RHOBTB1: variants seen among roughly 807,000 people sequenced by gnomAD.
RHOBTB1 encodes the protein Rho related BTB domain containing 1.
RHOBTB1 carries 40 observed loss-of-function variants against 71.6 expected under a neutral mutation model. The observed-to-expected ratio is 0.56, with a 90% CI of 0.43 to 0.73. The LOEUF (loss-of-function observed/expected upper bound fraction) is 0.73, where lower values mean the gene tolerates loss of function less well. RHOBTB1 is among the 30% of genes least tolerant of loss of function. The probability of loss-of-function intolerance (pLI) is 0.00; values close to 1 mark genes in which losing one functional copy is unlikely to be tolerated. For synonymous variants in RHOBTB1, 319 were observed against 334.9 expected (o/e 0.95, Z 0.52); for missense variants, 797 against 894.0 (o/e 0.89, Z 1.38).
intron 1 of RHOBTB1, among the ~76,000 whole-genome samples, chr10:60,987,314 A>T (rs977581631): frequency 6.6e-6 from 1 of 152,062 alleles, no homozygotes; most frequent in Non-Finnish European, 1.5e-5. Context: ...AATTTTATTC[A>T]TATCTAGAGC....
At chr10:60,872,649 C>T (rs547239252) in intron 9 of RHOBTB1, among the ~76,000 whole-genome samples, 35 of 150,728 alleles carry the variant, frequency 2.3e-4, no homozygotes, top group Admixed American at 1.5e-3. Context: ...GATGTCATCT[C>T]TGTTTAAGGA....
chr10:60,888,180 G>T, intron 6 of RHOBTB1, 32 bp downstream of exon 6: 12 of 1,588,242 alleles, frequency 7.6e-6, no homozygotes, highest in Non-Finnish European at 1.0e-5. Context: ...ACAATCAAAG[G>T]TATTAATGGC....
intron 9 of RHOBTB1, among the ~76,000 whole-genome samples, chr10:60,872,864 G>A (rs2080866721): frequency 6.6e-6 from 1 of 152,116 alleles, no homozygotes; most frequent in South Asian, 2.1e-4. Context: ...GGCAGCTGAG[G>A]TGGCTATGAT....
At chr10:60,875,139 G>C (rs1261051667) in intron 8 of RHOBTB1, 97 bp from the exon 9 acceptor site, 3 of 818,076 alleles carry the variant, frequency 3.7e-6, no homozygotes, top group Non-Finnish European at 6.4e-6. Context: ...AAGAAGGGAG[G>C]AAATGTGGGA....
intron 2 of RHOBTB1, among the ~76,000 whole-genome samples, chr10:60,934,430 A>AT (rs1159852237): frequency 6.6e-6 from 1 of 152,204 alleles, no homozygotes; most frequent in African/African-American, 2.4e-5. Flanking sequence ...TGCAACAAGG[A>AT]TACACCTGTT....
chr10:60,976,221 T>C (rs1303485505), intron 2 of RHOBTB1, among the ~76,000 whole-genome samples: 2 of 151,972 alleles, frequency 1.3e-5, no homozygotes, highest in Non-Finnish European at 2.9e-5. Context: ...GGATATTTTA[T>C]TACATGGAAG....
chr10:60,951,279 G>T (rs1173031681), intron 2 of RHOBTB1, among the ~76,000 whole-genome samples: 4 of 152,134 alleles, frequency 2.6e-5, no homozygotes, highest in Non-Finnish European at 5.9e-5. Flanking sequence ...TCAGTTCTTG[G>T]AAAGAAGCTG....
intron 10 of RHOBTB1, 129 bp from the exon 11 acceptor site, chr10:60,871,780 C>T: frequency 1.2e-6 from 1 of 826,318 alleles, no homozygotes; most frequent in Non-Finnish European, 1.9e-6. Context: ...TGATTAGGGC[C>T]ATTTGCAAAA....
chr10:60,899,607 G>A (rs913261837), intron 4 of RHOBTB1, among the ~76,000 whole-genome samples: 1 of 152,166 alleles, frequency 6.6e-6, no homozygotes, highest in Non-Finnish European at 1.5e-5. Context: ...AAGGTATCAG[G>A]AATGGTCAAG....
At chr10:61,001,079 C>CGTGTGTGT (rs139082859) in intron 1 of RHOBTB1, among the ~76,000 whole-genome samples, 1 of 149,778 alleles carries the variant, frequency 6.7e-6, no homozygotes, top group Non-Finnish European at 1.5e-5. Context: ...CGCGCGCACG[C>CGTGTGTGT]GTGTGTGTGT....
At chr10:60,889,218 C>T in intron 5 of RHOBTB1, 33 bp from the exon 6 acceptor site, 2 of 1,555,342 alleles carry the variant, frequency 1.3e-6, no homozygotes, top group Non-Finnish European at 1.7e-6. Flanking sequence ...TTATAATCAG[C>T]CTTGTTTTAG....
intron 6 of RHOBTB1, among the ~76,000 whole-genome samples, chr10:60,886,717 T>TCA (rs142829911): frequency 1.5e-5 from 2 of 137,410 alleles, no homozygotes; most frequent in Non-Finnish European, 1.6e-5. Context: ...TTAAGAGATG[T>TCA]GGGGGGGGGT....
intron 2 of RHOBTB1, among the ~76,000 whole-genome samples, chr10:60,970,584 T>C (rs149100622): frequency 9.8e-4 from 149 of 152,260 alleles, no homozygotes; most frequent in African/African-American, 3.4e-3. Flanking sequence ...TAGTTCACTA[T>C]GAAACTTTAG....
intron 2 of RHOBTB1, among the ~76,000 whole-genome samples, chr10:60,930,044 A>G (rs1296770533): frequency 6.6e-6 from 1 of 152,204 alleles, no homozygotes; most frequent in East Asian, 1.9e-4. Context: ...TTGAAAGGAA[A>G]AGCTCTATAA....
chr10:60,903,823 C>A (rs2133180279), intron 4 of RHOBTB1, among the ~76,000 whole-genome samples: 1 of 152,248 alleles, frequency 6.6e-6, no homozygotes, highest in South Asian at 2.1e-4. Flanking sequence ...GATCTGGTTC[C>A]ATTTTTTTAA....
intron 2 of RHOBTB1, among the ~76,000 whole-genome samples, chr10:60,940,034 C>A (rs536160317): frequency 3.9e-4 from 59 of 152,168 alleles, no homozygotes; most frequent in African/African-American, 1.4e-3. Flanking sequence ...GAGGTCTTGG[C>A]CTGTAATGGG....
intron 4 of RHOBTB1, among the ~76,000 whole-genome samples, chr10:60,897,104 G>GA (rs994692226): frequency 2.0e-4 from 31 of 151,292 alleles, no homozygotes; most frequent in Admixed American, 8.6e-4. Context: ...GAGGATTAAA[G>GA]AAAAAAAAAT....
chr10:60,942,447 C>T (rs2084950101), intron 1 of RHOBTB1, among the ~76,000 whole-genome samples: 1 of 152,234 alleles, frequency 6.6e-6, no homozygotes, highest in Admixed American at 6.5e-5. Context: ...AGTATATTGA[C>T]TATGATATTC....
chr10:60,913,695 A>G (rs2083114014), intron 2 of RHOBTB1, among the ~76,000 whole-genome samples: 1 of 152,120 alleles, frequency 6.6e-6, no homozygotes, highest in Admixed American at 6.6e-5. Context: ...TATGCACAAG[A>G]CAACACCCCA....
Sources: allele counts gnomAD v4.1 joint callset (sites outside exome capture counted in the v4.1 genomes callset), GRCh38; gene constraint gnomAD v4.1.1; transcripts MANE v1.5; gene names NCBI Gene and HGNC (gene_info 2026-07-23, HGNC 2026-07-21).